Variants in RAD51B observed in about 807,000 individuals in gnomAD.
The protein encoded by RAD51B is DNA repair protein RAD51 homolog 2.
A neutral mutation model predicts 42.2 loss-of-function variants in RAD51B; 38 were observed. The observed-to-expected ratio is 0.90, with a 90% CI of 0.70 to 1.18. The LOEUF (loss-of-function observed/expected upper bound fraction) is 1.18, where lower values mean the gene tolerates loss of function less well. Among genes scored for constraint, RAD51B ranks in the 50% most tolerant of loss-of-function variants. The probability of loss-of-function intolerance (pLI) is 0.00; values close to 1 mark genes in which losing one functional copy is unlikely to be tolerated. For missense variants in RAD51B, 373 were observed against 400.7 expected, an observed-to-expected ratio of 0.93 and a Z score of 0.59; for synonymous variants, 154 against 145.2, an observed-to-expected ratio of 1.06 and a Z score of -0.43.
chr14:68,033,449 A>T (rs1359826677), intron 7 of RAD51B, among the ~76,000 whole-genome samples: 4 of 152,124 alleles, frequency 2.6e-5, no homozygotes, highest in African/African-American at 9.7e-5. Flanking sequence ...GCTTTTAAGT[A>T]TAAAGTGTCA....
At chr14:68,060,349 T>C (rs1183461318) in intron 7 of RAD51B, among the ~76,000 whole-genome samples, 1 of 152,240 alleles carries the variant, frequency 6.6e-6, no homozygotes, top group Non-Finnish European at 1.5e-5. Flanking sequence ...GACTTCAGAA[T>C]GCAGCACAGG....
At chr14:68,389,286 TC>T (rs971424758) in intron 8 of RAD51B, among the ~76,000 whole-genome samples, 8 of 139,204 alleles carry the variant, frequency 5.7e-5, no homozygotes, top group African/African-American at 2.1e-4. Flanking sequence ...ATCCCACCCC[TC>T]CACCCTCATC....
intron 9 of RAD51B, among the ~76,000 whole-genome samples, chr14:68,420,798 G>T (rs1180843120): frequency 6.6e-6 from 1 of 152,158 alleles, no homozygotes; most frequent in African/African-American, 2.4e-5. Flanking sequence ...CTAACCTCCT[G>T]GGAATACAGA....
At chr14:68,262,800 C>T (rs956827924) in intron 7 of RAD51B, among the ~76,000 whole-genome samples, 1 of 152,312 alleles carries the variant, frequency 6.6e-6, no homozygotes, top group African/African-American at 2.4e-5. Context: ...GGAGTTTGAA[C>T]AAACAGGCCT....
intron 10 of RAD51B, among the ~76,000 whole-genome samples, chr14:68,545,268 T>G (rs1369745924): frequency 6.6e-6 from 1 of 152,262 alleles, no homozygotes; most frequent in African/African-American, 2.4e-5. Context: ...AGGCTGTTCC[T>G]TGAGCAAAGA....
At chr14:68,531,847 T>C (rs1887330209) in intron 10 of RAD51B, among the ~76,000 whole-genome samples, 1 of 151,870 alleles carries the variant, frequency 6.6e-6, no homozygotes, top group African/African-American at 2.4e-5. Flanking sequence ...AAAAATAATT[T>C]AGAAATTAGC....
intron 8 of RAD51B, among the ~76,000 whole-genome samples, chr14:68,353,435 A>T (rs2082831440): frequency 6.6e-6 from 1 of 152,062 alleles, no homozygotes; most frequent in Admixed American, 6.6e-5. Context: ...TAGGTGAGGG[A>T]TGGGGTACAG....
intron 7 of RAD51B, among the ~76,000 whole-genome samples, chr14:67,938,158 A>G (rs1020643749): frequency 6.6e-6 from 1 of 152,218 alleles, no homozygotes; most frequent in Non-Finnish European, 1.5e-5. Context: ...ATTTATGTGA[A>G]TAGTTCTCTA....
chr14:68,609,881 C>A (rs1891607768), intron 10 of RAD51B, among the ~76,000 whole-genome samples: 1 of 152,152 alleles, frequency 6.6e-6, no homozygotes, highest in South Asian at 2.1e-4. Flanking sequence ...TGCCTCCCCT[C>A]CATGGGTTCT....
chr14:68,321,770 A>G (rs2082161690), intron 8 of RAD51B, among the ~76,000 whole-genome samples: 1 of 152,086 alleles, frequency 6.6e-6, no homozygotes, highest in Non-Finnish European at 1.5e-5. Context: ...TATTTTTTTG[A>G]GACAGGGTCT....
At chr14:68,645,702 G>GT (rs1489376426) in intron 10 of RAD51B, among the ~76,000 whole-genome samples, 10 of 152,136 alleles carry the variant, frequency 6.6e-5, no homozygotes, top group African/African-American at 2.4e-4. Context: ...CCTAATGGGT[G>GT]TAAGATGCTT....
At chr14:67,899,296 A>G (rs903584216) in intron 7 of RAD51B, among the ~76,000 whole-genome samples, 7 of 151,422 alleles carry the variant, frequency 4.6e-5, no homozygotes, top group Non-Finnish European at 7.4e-5. Flanking sequence ...TGATCTGCCC[A>G]CCTTGGCCTC....
intron 7 of RAD51B, among the ~76,000 whole-genome samples, chr14:68,073,271 G>C (rs969832687): frequency 9.9e-5 from 15 of 152,170 alleles, no homozygotes; most frequent in Admixed American, 6.6e-5. Context: ...TTATGATTAT[G>C]TAATTCCCTT....
intron 7 of RAD51B, among the ~76,000 whole-genome samples, chr14:67,990,801 A>G (rs976077822): frequency 2.6e-5 from 4 of 152,164 alleles, no homozygotes; most frequent in Non-Finnish European, 5.9e-5. Context: ...GTTTGTGGTA[A>G]GTAGGTGACA....
At chr14:67,825,035 G>T (rs2140277274) in intron 2 of RAD51B, among the ~76,000 whole-genome samples, 1 of 129,248 alleles carries the variant, frequency 7.7e-6, no homozygotes, top group Admixed American at 9.5e-5. Flanking sequence ...CCGAGATCGT[G>T]CCACTGCACT....
At chr14:67,838,586 G>T (rs1310570422) in intron 4 of RAD51B, among the ~76,000 whole-genome samples, 1 of 151,996 alleles carries the variant, frequency 6.6e-6, no homozygotes, top group African/African-American at 2.4e-5. Context: ...AGGACTACAG[G>T]TGTGCACCAC....
chr14:68,588,132 T>A (rs1490397783), intron 10 of RAD51B, among the ~76,000 whole-genome samples: 4 of 152,180 alleles, frequency 2.6e-5, no homozygotes, highest in Non-Finnish European at 5.9e-5. Context: ...ATCCCAGCCT[T>A]GTGGATTCCT....
chr14:68,402,493 G>T (rs1279689010), intron 8 of RAD51B, among the ~76,000 whole-genome samples: 1 of 152,190 alleles, frequency 6.6e-6, no homozygotes, highest in African/African-American at 2.4e-5. Context: ...CTCGCACTCA[G>T]ACTCCCGTCT....
chr14:68,243,285 G>A (rs139520640), intron 7 of RAD51B, among the ~76,000 whole-genome samples: 14 of 152,024 alleles, frequency 9.2e-5, no homozygotes, highest in Middle Eastern at 3.4e-3. Flanking sequence ...TTAAACTTGC[G>A]AAGGTTAAAA....
Sources: allele counts gnomAD v4.1 joint callset (sites outside exome capture counted in the v4.1 genomes callset), GRCh38; gene constraint gnomAD v4.1.1; transcripts MANE v1.5; gene names NCBI Gene and HGNC (gene_info 2026-07-23, HGNC 2026-07-21).